The following DNAH7 variants were observed in gnomAD, a reference collection of about 807,000 sequenced individuals.
The protein encoded by DNAH7 is dynein axonemal heavy chain 7.
In DNAH7, 397 loss-of-function variants were observed where a neutral mutation model predicts 444.6. The ratio of observed to expected loss-of-function variants is 0.89; its 90% CI spans 0.82 to 0.97. The LOEUF (loss-of-function observed/expected upper bound fraction) is 0.97, where lower values mean the gene tolerates loss of function less well. Among genes scored for constraint, DNAH7 ranks in the 50% least tolerant of loss-of-function variants. The probability of loss-of-function intolerance (pLI) is 0.00; values close to 1 mark genes in which losing one functional copy is unlikely to be tolerated. For missense variants in DNAH7, 4,902 were observed against 4,800.8 expected, an observed-to-expected ratio of 1.02 and a Z score of -0.62; for synonymous variants, 1,636 against 1,624.4, an observed-to-expected ratio of 1.01 and a Z score of -0.17.
intron 38 of DNAH7, 46 bp from the exon 39 acceptor site, chr2:195,873,740 C>A (rs1700860047): frequency 3.7e-6 from 5 of 1,359,850 alleles, no homozygotes; most frequent in Non-Finnish European, 3.9e-6. Flanking sequence ...CTAGTATATA[C>A]AAGAGTATTT....
chr2:195,900,837 G>T lies in DNAH7; in HGVS notation c.4336-343C>A, dbSNP rs558766582. ...CAACACAAATAAATGATAAATATTT[G>T]AGGTGATAGATACACTATACCCTGA... On this transcript the variant is annotated intron_variant, in intron 27 of 64. Coordinates refer to ENST00000312428, the MANE Select transcript of DNAH7 (RefSeq NM_018897.3). The T allele has an allele frequency of 9.3e-5, 18 of 193,298 alleles. No individual in the cohort carries two copies. The East Asian group carries it at 2.4e-3, about 26-fold the overall frequency. The allele number at this position is 193,298 out of a possible 1,614,324, so 12.0% of individuals were successfully genotyped here.
intron 5 of DNAH7, among the ~76,000 whole-genome samples, chr2:196,032,664 T>C (rs1575066657): frequency 6.6e-6 from 1 of 152,252 alleles, no homozygotes; most frequent in African/African-American, 2.4e-5. Flanking sequence ...CAAGTCCAGA[T>C]GGCTTCACTA....
intron 10 of DNAH7, among the ~76,000 whole-genome samples, chr2:196,006,534 G>T (rs895563058): frequency 2.7e-5 from 4 of 150,566 alleles, no homozygotes; most frequent in Non-Finnish European, 5.9e-5. Flanking sequence ...GTACTGGAGG[G>T]TCTAATCAGG....
chr2:195,845,590 C>T (rs901453171), intron 46 of DNAH7, among the ~76,000 whole-genome samples: 4 of 152,180 alleles, frequency 2.6e-5, no homozygotes, highest in Admixed American at 2.6e-4. Flanking sequence ...AAGCCAGAGG[C>T]ATCACATTAT....
intron 12 of DNAH7, chr2:195,994,853 TG>T (rs1445899926): frequency 7.0e-6 from 3 of 427,182 alleles, no homozygotes; most frequent in Middle Eastern, 4.4e-4. Context: ...TGACTGAGCT[TG>T]GTTGCTTCTT....
At chr2:195,845,692 A>G (rs1698946012) in intron 46 of DNAH7, among the ~76,000 whole-genome samples, 1 of 152,338 alleles carries the variant, frequency 6.6e-6, no homozygotes, top group South Asian at 2.1e-4. Flanking sequence ...TAGAGAGCAC[A>G]GAAATAAAGC....
chr2:195,876,670 T>A lies in DNAH7; in HGVS notation c.5991A>T (p.Glu1997Asp). 6.2e-7 allele frequency: 1 copy of A among 1,602,534 alleles called. No individual in the cohort carries two copies. Among genetic ancestry groups the A allele is most frequent in the East Asian group, 2.2e-5 (1 of 44,786 alleles). Reference protein sequence around the residue: ...TNFLLNQLNKEIYKPLLINFS... With the variant: ...TNFLLNQLNKDIYKPLLINFS... ...AGTTAATTAGCAGAGGTTTGTAGATTTCCTTATTTAGTTGATTTAAAAGAA... is the reference window on the plus strand; with the variant it reads ...AGTTAATTAGCAGAGGTTTGTAGATATCCTTATTTAGTTGATTTAAAAGAA... Residue 1997 changes from glutamate to aspartate, a missense_variant, in exon 37 of 65, where the codon GAA becomes GAT. Glu to Asp is a conservative substitution (Grantham distance 45). Coordinates refer to ENST00000312428, the MANE Select transcript of DNAH7 (RefSeq NM_018897.3).
At chr2:195,915,512 T>C (rs1015723889) in intron 24 of DNAH7, among the ~76,000 whole-genome samples, 5 of 152,212 alleles carry the variant, frequency 3.3e-5, no homozygotes, top group Admixed American at 2.6e-4. Context: ...AAGTAGCTAA[T>C]AGGATGGTGC....
At chr2:196,058,194 T>A in intron 1 of DNAH7, 78 bp from the exon 2 acceptor site, 1 of 1,168,956 alleles carries the variant, frequency 8.6e-7, no homozygotes, top group Non-Finnish European at 1.2e-6. Flanking sequence ...AATTTTACAG[T>A]GTTTATTGTA....
rs1697919239 is a variant in DNAH7, at chr2:196,058,081, T to G, written c.51A>C (p.Pro17=). ...KSASKEKSKK[P]VRFLPQLSME... ...TAGACAGCTGTGGTAGAAATCTTAC[T>G]GGTTTCTTGGATTTTTCTTTGCTGG... The change falls in exon 2 of 65, where the codon CCA becomes CCC. Residue 17 remains proline, a synonymous_variant. Transcript: ENST00000312428. 1 of 1,578,352 alleles carries G rather than the reference T, an allele frequency of 6.3e-7. No homozygotes were observed. The highest frequency in any genetic ancestry group is 1.2e-5 in the South Asian group (1 of 85,226).
chr2:195,876,628 T>C lies in DNAH7; in HGVS notation c.6033A>G (p.Thr2011=), dbSNP rs1462608251. 1.2e-6 allele frequency: 2 copies of C among 1,613,338 alleles called. No homozygotes were observed. Among genetic ancestry groups the C allele is most frequent in the East Asian group, 2.2e-5 (1 of 44,860 alleles). Residue 2011 remains threonine, a synonymous_variant, in exon 37 of 65, where the codon ACA becomes ACG. Transcript: ENST00000312428. The part of the protein sequence containing the change: ...PLLINFSAQT[T]AAQTQNIVMS... Reference sequence around the variant, plus strand: ...TGACAATATTCTGAGTTTGAGCTGCTGTAGTTTGTGCTGAGAAGTTAATTA... The same window carrying C: ...TGACAATATTCTGAGTTTGAGCTGCCGTAGTTTGTGCTGAGAAGTTAATTA...
In DNAH7 at chr2:195,817,831, T is replaced by C; in HGVS notation, c.9292-2A>G. 3.2e-6 allele frequency: 5 copies of C among 1,564,492 alleles called. No individual in the cohort carries two copies. The highest frequency in any genetic ancestry group is 4.3e-6 in the Non-Finnish European group (5 of 1,159,982). The stretch of plus-strand genomic sequence containing the variant: ...TATCATGAAGTTTAATAATGTTACC[T>C]ATAAATGAAAAAATATACAAAAATT... On this transcript the variant is annotated splice_acceptor_variant, in intron 49 of 64. Coordinates refer to ENST00000312428, the MANE Select transcript of DNAH7 (RefSeq NM_018897.3). LOFTEE classifies it high-confidence loss of function.
Position 195,988,084 on chromosome 2 carries a change from A to T in DNAH7, c.1499T>A (p.Leu500Ter), listed in dbSNP as rs201645794. The change falls in exon 13 of 65, where the codon TTA (leucine) becomes TAA (stop). Residue 500 changes from leucine to a stop codon, truncating the protein, a stop_gained. Coordinates refer to ENST00000312428, the MANE Select transcript of DNAH7 (RefSeq NM_018897.3). LOFTEE classifies it high-confidence loss of function. The part of the protein sequence containing the change: ...HLRLYDKYDF[L>*]ITRKAERDVD... ...ATCTCGCTCAGCTTTTCTGGTAATT[A>T]AAAAGTCATACTTGTCATAGAGTCT... The T allele has an allele frequency of 6.2e-7, 1 of 1,613,598 alleles. No homozygotes were observed. The highest frequency in any genetic ancestry group is 1.3e-5 in the African/African-American group (1 of 74,908).
At chr2:196,024,792 G>T in intron 7 of DNAH7, among the ~76,000 whole-genome samples, 1 of 151,236 alleles carries the variant, frequency 6.6e-6, no homozygotes, top group African/African-American at 2.4e-5. Flanking sequence ...TTCCTTTATA[G>T]CTATTCCATC....
chr2:195,817,281 T>C (rs942175345), intron 50 of DNAH7, among the ~76,000 whole-genome samples: 2 of 152,190 alleles, frequency 1.3e-5, no homozygotes, highest in Admixed American at 6.5e-5. Flanking sequence ...TTTTCTGAAA[T>C]GTTACATGAC....
intron 38 of DNAH7, among the ~76,000 whole-genome samples, 160 bp from the exon 39 acceptor site, chr2:195,873,854 T>C (rs1700866052): frequency 3.9e-5 from 6 of 152,158 alleles, no homozygotes; most frequent in Admixed American, 3.9e-4. Flanking sequence ...ATCAAAACTA[T>C]TTTTCCCTCA....
chr2:195,761,353 A>T (rs1472055234), intron 61 of DNAH7, among the ~76,000 whole-genome samples: 5 of 152,286 alleles, frequency 3.3e-5, no homozygotes, highest in African/African-American at 9.6e-5. Flanking sequence ...TAGCCTTAAA[A>T]GGGCAAATCT....
chr2:196,000,924 A>C, intron 11 of DNAH7, 41 bp from the exon 12 acceptor site: 1 of 1,465,714 alleles, frequency 6.8e-7, no homozygotes, highest in Non-Finnish European at 9.1e-7. Flanking sequence ...AATATGTATG[A>C]ATTGTGACAG....
chr2:196,036,048 C>T (rs7582486), intron 5 of DNAH7, among the ~76,000 whole-genome samples: 17,219 of 122,616 alleles, frequency 0.14, 1,443 homozygotes, highest in African/African-American at 0.28. Flanking sequence ...TTTTTTTTTT[C>T]CAGGCAGAGT....
Sources: gnomAD v4.1 joint callset for allele counts (sites outside exome capture counted in the v4.1 genomes callset) on GRCh38, gnomAD v4.1.1 for gene constraint, MANE v1.5 for transcripts, NCBI Gene and HGNC (gene_info 2026-07-23, HGNC 2026-07-21) for gene names.